Variants in INPP4B observed in about 807,000 individuals in gnomAD.
INPP4B encodes the protein inositol polyphosphate 4-phosphatase type II.
In INPP4B, 55 loss-of-function variants were observed where a neutral mutation model predicts 122.5. The observed-to-expected ratio is 0.45, with a 90% CI of 0.36 to 0.56. The LOEUF (loss-of-function observed/expected upper bound fraction) is 0.56. INPP4B is among the 20% of genes least tolerant of loss of function. INPP4B has a pLI of 0.00. For synonymous variants in INPP4B, 403 were observed against 388.7 expected (o/e 1.04, Z -0.43); for missense variants, 1,000 against 1,097.7 (o/e 0.91, Z 1.26).
intron 12 of INPP4B, among the ~76,000 whole-genome samples, chr4:142,223,880 G>A (rs1348101990): frequency 6.6e-6 from 1 of 152,126 alleles, no homozygotes; most frequent in African/African-American, 2.4e-5. Flanking sequence ...CTTAGAGCAA[G>A]CAAGAAAGAG....
chr4:142,511,596 G>T (rs778300359), intron 2 of INPP4B, among the ~76,000 whole-genome samples: 1 of 152,034 alleles, frequency 6.6e-6, no homozygotes, highest in Non-Finnish European at 1.5e-5. Flanking sequence ...CTTTGGTCGG[G>T]CATTAGAATC....
intron 17 of INPP4B, among the ~76,000 whole-genome samples, chr4:142,146,324 C>T (rs997159342): frequency 6.6e-6 from 1 of 152,124 alleles, no homozygotes; most frequent in Non-Finnish European, 1.5e-5. Flanking sequence ...TCTTTATCAA[C>T]ACTTATTATG....
chr4:142,240,610 AG>A, intron 11 of INPP4B, among the ~76,000 whole-genome samples: 1 of 152,272 alleles, frequency 6.6e-6, no homozygotes, highest in South Asian at 2.1e-4. Flanking sequence ...TGATCTTTTG[AG>A]ACTCATACTC....
chr4:142,112,585 G>A lies in INPP4B; in HGVS notation c.2233C>T (p.Leu745Phe), dbSNP rs778870521. The stretch of plus-strand genomic sequence containing the variant: ...TGTTCATTGATTCCAACATTAAAAA[G>A]TACTGGATACACATGAAGCAACTGT... The part of the protein sequence containing the change: ...EGQLLHVYPV[L>F]FNVGINEQQT... The change falls in exon 22 of 26, where the codon CTT (leucine) becomes TTT (phenylalanine). Residue 745 changes from leucine to phenylalanine, a missense_variant. Transcript: ENST00000262992. 1 of 1,613,210 alleles carries A rather than the reference G, an allele frequency of 6.2e-7. No individual in the cohort carries two copies. The highest frequency in any genetic ancestry group is 1.1e-5 in the South Asian group (1 of 91,050).
At chr4:142,535,673 C>T (rs12504378) in intron 2 of INPP4B, among the ~76,000 whole-genome samples, 35,585 of 152,032 alleles carry the variant, frequency 0.23, 5,298 homozygotes, top group East Asian at 0.78. Context: ...AGGGGCTCAA[C>T]ACATTATAAT....
chr4:142,078,723 G>T (rs761017995), intron 25 of INPP4B, among the ~76,000 whole-genome samples: 1 of 151,832 alleles, frequency 6.6e-6, no homozygotes, highest in Non-Finnish European at 1.5e-5. Context: ...ATATAGATAA[G>T]GACAAAATAA....
At chr4:142,773,660 T>G (rs1773428685) in intron 1 of INPP4B, among the ~76,000 whole-genome samples, 1 of 152,202 alleles carries the variant, frequency 6.6e-6, no homozygotes, top group East Asian at 1.9e-4. Flanking sequence ...AATTTCATAT[T>G]CATTTCTGTA....
At chr4:142,453,784 G>A (rs759237389) in intron 3 of INPP4B, among the ~76,000 whole-genome samples, 4 of 151,998 alleles carry the variant, frequency 2.6e-5, no homozygotes, top group Non-Finnish European at 2.9e-5. Flanking sequence ...TCTACAGTGA[G>A]AATAAGAGCA....
chr4:142,696,427 A>G (rs966261787), intron 2 of INPP4B, among the ~76,000 whole-genome samples: 2 of 152,158 alleles, frequency 1.3e-5, no homozygotes, highest in Non-Finnish European at 2.9e-5. Flanking sequence ...AGCTGAGGGG[A>G]CAAAATATAC....
intron 2 of INPP4B, among the ~76,000 whole-genome samples, chr4:142,568,434 G>C (rs979363843): frequency 6.6e-6 from 1 of 152,088 alleles, no homozygotes; most frequent in Admixed American, 6.5e-5. Flanking sequence ...ATAGGATTTA[G>C]AAATGTTTAA....
chr4:142,232,644 T>C (rs1426021181), intron 12 of INPP4B, among the ~76,000 whole-genome samples: 2 of 151,898 alleles, frequency 1.3e-5, no homozygotes, highest in Non-Finnish European at 2.9e-5. Context: ...ATGGCCCACA[T>C]GTCTCTCACT....
chr4:142,737,322 T>A (rs1767103004), intron 1 of INPP4B, among the ~76,000 whole-genome samples: 1 of 152,114 alleles, frequency 6.6e-6, no homozygotes, highest in South Asian at 2.1e-4. Flanking sequence ...TCTACAACCA[T>A]CTGATCTTTG....
intron 2 of INPP4B, among the ~76,000 whole-genome samples, chr4:142,691,129 C>G (rs565103596): frequency 5.3e-5 from 8 of 152,224 alleles, no homozygotes; most frequent in Non-Finnish European, 7.4e-5. Context: ...TCTCAGCCCC[C>G]CAATGTGTCT....
intron 14 of INPP4B, among the ~76,000 whole-genome samples, chr4:142,196,104 A>T (rs1838103930): frequency 6.6e-6 from 1 of 152,258 alleles, no homozygotes; most frequent in African/African-American, 2.4e-5. Flanking sequence ...CTCATAAAAA[A>T]GAACTGATTG....
At chr4:142,097,155 A>AT (rs1295100118) in intron 23 of INPP4B, among the ~76,000 whole-genome samples, 5 of 151,798 alleles carry the variant, frequency 3.3e-5, no homozygotes, top group Admixed American at 6.6e-5. Flanking sequence ...CAGGTCATAC[A>AT]TTTTTTTATT....
intron 10 of INPP4B, among the ~76,000 whole-genome samples, chr4:142,262,850 T>G (rs1184882559): frequency 6.6e-6 from 1 of 152,158 alleles, no homozygotes. Context: ...ACTCCACCTT[T>G]CCTCTGAGCA....
chr4:142,270,693 G>A lies in INPP4B; in HGVS notation c.585C>T (p.Asp195=). 1 of 1,612,556 alleles carries A rather than the reference G, an allele frequency of 6.2e-7. No homozygotes were observed. The highest frequency in any genetic ancestry group is 8.5e-7 in the Non-Finnish European group (1 of 1,178,674). ...GTCCCTGTACATCTGTGGTGATGTG[G>A]TCGGCTTCCCCATCCTCAATCTCCC... ...KMGEIEDGEA[D]HITTDVQGQK... Residue 195 remains aspartate (D), a synonymous_variant, in exon 10 of 26, where the codon GAC becomes GAT. Coordinates refer to ENST00000262992, the MANE Select transcript of INPP4B (RefSeq NM_001101669.3).
intron 2 of INPP4B, among the ~76,000 whole-genome samples, chr4:142,685,897 G>A (rs1341706911): frequency 2.6e-5 from 4 of 152,044 alleles, no homozygotes; most frequent in Non-Finnish European, 5.9e-5. Flanking sequence ...TCAAAAGATT[G>A]GTTAAATTGA....
intron 7 of INPP4B, among the ~76,000 whole-genome samples, chr4:142,332,635 G>A (rs1047376497): frequency 2.0e-5 from 3 of 152,126 alleles, no homozygotes; most frequent in Admixed American, 6.5e-5. Context: ...GCTATTGGTG[G>A]TTAAATGACT....
Sources: gnomAD v4.1 joint callset for allele counts (sites outside exome capture counted in the v4.1 genomes callset) on GRCh38, gnomAD v4.1.1 for gene constraint, MANE v1.5 for transcripts, NCBI Gene and HGNC (gene_info 2026-07-23, HGNC 2026-07-21) for gene names.